Variants in PRKG1 observed in about 807,000 individuals in gnomAD.
PRKG1 encodes cGMP-dependent protein kinase 1.
Under a neutral mutation model 88.1 loss-of-function variants are expected in PRKG1, and 35 were observed. That is an observed-to-expected ratio of 0.40 (90% CI 0.30 to 0.53). PRKG1 has a LOEUF of 0.53. Among genes scored for constraint, PRKG1 ranks in the 20% least tolerant of loss-of-function variants. PRKG1 has a pLI of 0.59. For synonymous variants in PRKG1, 303 were observed against 292.5 expected, an observed-to-expected ratio of 1.04 and a Z score of -0.37; for missense variants, 540 against 839.8, an observed-to-expected ratio of 0.64 and a Z score of 4.41.
intron 7 of PRKG1, among the ~76,000 whole-genome samples, chr10:52,110,893 A>G (rs1422573992): frequency 6.6e-6 from 1 of 152,156 alleles, no homozygotes; most frequent in Admixed American, 6.5e-5. Flanking sequence ...TAAATTATCT[A>G]AGAAAGAAAA....
chr10:52,054,034 A>C (rs770152205), intron 5 of PRKG1, among the ~76,000 whole-genome samples: 1 of 152,196 alleles, frequency 6.6e-6, no homozygotes, highest in Non-Finnish European at 1.5e-5. Flanking sequence ...TAGAATGAGT[A>C]GTTCTATATT....
intron 5 of PRKG1, among the ~76,000 whole-genome samples, chr10:52,025,108 G>T (rs1159891682): frequency 2.0e-5 from 3 of 152,108 alleles, no homozygotes; most frequent in African/African-American, 4.8e-5. Context: ...TCATGTGTCT[G>T]TTGGCTGCAT....
At chr10:51,666,334 A>G (rs1247387085) in intron 3 of PRKG1, among the ~76,000 whole-genome samples, 1 of 152,220 alleles carries the variant, frequency 6.6e-6, no homozygotes, top group Non-Finnish European at 1.5e-5. Context: ...TTTTTGACAC[A>G]TGAAAGAATA....
In PRKG1 at chr10:51,882,346, A is replaced by G. The variant is rs889573043; in HGVS notation, c.699-25161A>G. ...TTTCTAGAAATCTCAGACATGTCTC[A>G]TGTGACTTCATAAATAAATCTTCTT... is the stretch of plus-strand genomic sequence containing the variant. On this transcript the variant is annotated intron_variant, in intron 4 of 17. Transcript: ENST00000373980. Among the ~76,000 whole-genome samples, 10 of 152,270 alleles carry G rather than the reference A, an allele frequency of 6.6e-5. No individual in the cohort carries two copies. The East Asian group carries it at 1.2e-3, about 18-fold the overall frequency.
intron 2 of PRKG1, among the ~76,000 whole-genome samples, chr10:51,424,495 G>T (rs754733938): frequency 6.6e-6 from 1 of 152,084 alleles, no homozygotes; most frequent in Non-Finnish European, 1.5e-5. Flanking sequence ...GATTTGAACT[G>T]TTGCCTAAAA....
intron 3 of PRKG1, among the ~76,000 whole-genome samples, chr10:51,765,280 C>T (rs1354773202): frequency 6.6e-6 from 1 of 152,206 alleles, no homozygotes; most frequent in Non-Finnish European, 1.5e-5. Context: ...AATCTGGCCT[C>T]ACTAGAGCAA....
chr10:51,351,276 T>C (rs1842238563), intron 2 of PRKG1, among the ~76,000 whole-genome samples: 1 of 152,214 alleles, frequency 6.6e-6, no homozygotes, highest in Admixed American at 6.5e-5. Context: ...ATTTACCCAG[T>C]AATGGGATTG....
intron 2 of PRKG1, among the ~76,000 whole-genome samples, chr10:51,397,920 AT>A (rs1837624833): frequency 2.6e-5 from 4 of 152,158 alleles, no homozygotes; most frequent in Admixed American, 2.6e-4. Context: ...TCACATTTCA[AT>A]TTGCAAGTGA....
intron 5 of PRKG1, among the ~76,000 whole-genome samples, chr10:51,949,849 CATACATGT>C (rs1225010861): frequency 6.6e-6 from 1 of 152,162 alleles, no homozygotes; most frequent in Non-Finnish European, 1.5e-5. Flanking sequence ...AGATTATAAT[CATACATGT>C]ATACATGCCA....
intron 1 of PRKG1, among the ~76,000 whole-genome samples, chr10:51,034,344 G>T (rs1253512754): frequency 6.6e-6 from 1 of 151,990 alleles, no homozygotes; most frequent in African/African-American, 2.4e-5. Flanking sequence ...TAAGTAGTTT[G>T]TTGGTAATTT....
At chr10:51,484,239 GC>G (rs545097307) in intron 3 of PRKG1, among the ~76,000 whole-genome samples, 1 of 152,174 alleles carries the variant, frequency 6.6e-6, no homozygotes, top group African/African-American at 2.4e-5. Context: ...AAATTATCAA[GC>G]CCGTGTCCCT....
At chr10:51,332,416 A>G (rs559682172) in intron 2 of PRKG1, among the ~76,000 whole-genome samples, 388 of 152,280 alleles carry the variant, frequency 2.5e-3, no homozygotes, top group Middle Eastern at 0.01. Flanking sequence ...ACCTAAAAAA[A>G]TCACACTGAG....
chr10:51,399,690 G>A (rs1288987211), intron 2 of PRKG1, among the ~76,000 whole-genome samples: 1 of 152,164 alleles, frequency 6.6e-6, no homozygotes, highest in Non-Finnish European at 1.5e-5. Flanking sequence ...ACAACCTGAG[G>A]CACATACTCT....
intron 3 of PRKG1, among the ~76,000 whole-genome samples, chr10:51,676,001 T>A (rs917359845): frequency 6.6e-6 from 1 of 152,024 alleles, no homozygotes; most frequent in South Asian, 2.1e-4. Flanking sequence ...AGACTTGCAC[T>A]GTCAGTGCTA....
chr10:51,268,278 C>T (rs1361337617), intron 2 of PRKG1, among the ~76,000 whole-genome samples: 1 of 152,140 alleles, frequency 6.6e-6, no homozygotes, highest in Non-Finnish European at 1.5e-5. Flanking sequence ...TCATTGATAA[C>T]ATCTTATCAG....
intron 4 of PRKG1, among the ~76,000 whole-genome samples, chr10:51,849,063 TA>T (rs1350168874): frequency 6.6e-6 from 1 of 152,200 alleles, no homozygotes; most frequent in Non-Finnish European, 1.5e-5. Flanking sequence ...TCAAACTAGC[TA>T]ATGCTTCTTT....
At chr10:51,326,638 G>C (rs887716177) in intron 2 of PRKG1, among the ~76,000 whole-genome samples, 1 of 152,168 alleles carries the variant, frequency 6.6e-6, no homozygotes, top group Non-Finnish European at 1.5e-5. Flanking sequence ...GGCAAGAAGA[G>C]ATTGGCTAGA....
chr10:51,215,101 C>A (rs779000205), intron 2 of PRKG1, among the ~76,000 whole-genome samples: 3 of 152,104 alleles, frequency 2.0e-5, no homozygotes, highest in Admixed American at 1.3e-4. Context: ...GAAAACAATG[C>A]GAATCATCTA....
intron 3 of PRKG1, among the ~76,000 whole-genome samples, chr10:51,713,437 T>C (rs1841809009): frequency 6.6e-6 from 1 of 152,234 alleles, no homozygotes; most frequent in Admixed American, 6.5e-5. Flanking sequence ...TGTGTTGAAT[T>C]CTTTTCTAAT....
Sources: allele counts gnomAD v4.1 joint callset (sites outside exome capture counted in the v4.1 genomes callset), GRCh38; gene constraint gnomAD v4.1.1; transcripts MANE v1.5; gene names NCBI Gene and HGNC (gene_info 2026-07-23, HGNC 2026-07-21).